Variants in AKAP19 observed in about 807,000 individuals in gnomAD.
AKAP19 encodes the protein A-kinase anchoring protein 19, also known as small A-kinase anchoring protein.
At chr2:190,046,048 C>T in the AKAP19 span, among the ~76,000 whole-genome samples, 1 of 152,210 alleles carries the variant, frequency 6.6e-6, no homozygotes, top group Non-Finnish European at 1.5e-5. Flanking sequence ...GGGAAGTTCC[C>T]TGGCTCTGTG....
the AKAP19 span, chr2:190,201,068 A>AAGAT: frequency 1.8e-5 from 3 of 167,062 alleles, no homozygotes; most frequent in Admixed American, 1.3e-4. Context: ...ATAATGCATG[A>AAGAT]AGATTTACAG....
chr2:189,976,681 C>A, the AKAP19 span, among the ~76,000 whole-genome samples: 1 of 152,154 alleles, frequency 6.6e-6, no homozygotes, highest in African/African-American at 2.4e-5. Flanking sequence ...CAATGGCGGG[C>A]GCCCCTCCCC....
the AKAP19 span, among the ~76,000 whole-genome samples, chr2:190,170,732 A>G: frequency 7.2e-5 from 11 of 152,172 alleles, no homozygotes; most frequent in Non-Finnish European, 1.2e-4. Context: ...GTTCACATGT[A>G]ATCTCAAATT....
the AKAP19 span, among the ~76,000 whole-genome samples, chr2:189,950,792 A>C: frequency 6.6e-6 from 1 of 152,152 alleles, no homozygotes; most frequent in Non-Finnish European, 1.5e-5. Flanking sequence ...AAGACTTTAC[A>C]TCTTGTCCTG....
chr2:190,199,570 A>AAAAAAGTTTTCCTATTTT, the AKAP19 span: 3 of 382,660 alleles, frequency 7.8e-6, no homozygotes, highest in South Asian at 1.5e-4. Context: ...GATAAGATAA[A>AAAAAAGTTTTCCTATTTT]GCTGTTTGTT....
chr2:190,106,172 C>G, the AKAP19 span, among the ~76,000 whole-genome samples: 1 of 152,174 alleles, frequency 6.6e-6, no homozygotes, highest in Non-Finnish European at 1.5e-5. Flanking sequence ...ATAGATACAT[C>G]AACATAGGAT....
chr2:190,200,477 C>T, the AKAP19 span: 1 of 214,644 alleles, frequency 4.7e-6, no homozygotes. Context: ...CCCCAAATTC[C>T]AATGGTTGAA....
At chr2:190,061,922 C>T in the AKAP19 span, among the ~76,000 whole-genome samples, 1 of 151,788 alleles carries the variant, frequency 6.6e-6, no homozygotes, top group Non-Finnish European at 1.5e-5. Context: ...ATCTCCCAGT[C>T]CTTGCCTTGG....
chr2:190,077,479 T>G, the AKAP19 span, among the ~76,000 whole-genome samples: 1 of 150,978 alleles, frequency 6.6e-6, no homozygotes, highest in South Asian at 2.1e-4. Context: ...ATGTTAAAAA[T>G]TTTTTAAAAA....
At chr2:190,038,256 C>T in the AKAP19 span, among the ~76,000 whole-genome samples, 2 of 152,170 alleles carry the variant, frequency 1.3e-5, no homozygotes, top group Non-Finnish European at 2.9e-5. Context: ...TATGAGATCC[C>T]TGTACCTTGT....
At chr2:190,120,297 C>G in the AKAP19 span, among the ~76,000 whole-genome samples, 1 of 152,186 alleles carries the variant, frequency 6.6e-6, no homozygotes, top group Non-Finnish European at 1.5e-5. Context: ...ACTAACCACC[C>G]CACTGCCCTA....
At chr2:190,185,572 G>A in the AKAP19 span, among the ~76,000 whole-genome samples, 2 of 152,174 alleles carry the variant, frequency 1.3e-5, no homozygotes, top group Admixed American at 6.5e-5. Context: ...GCCATAAATA[G>A]GAGTGGCCAG....
At chr2:190,141,481 T>A in the AKAP19 span, among the ~76,000 whole-genome samples, 1 of 152,152 alleles carries the variant, frequency 6.6e-6, no homozygotes, top group African/African-American at 2.4e-5. Flanking sequence ...CTTACAGTCA[T>A]GGTGGAAGGA....
chr2:190,132,613 A>G, the AKAP19 span, among the ~76,000 whole-genome samples: 2 of 152,174 alleles, frequency 1.3e-5, no homozygotes, highest in Non-Finnish European at 2.9e-5. Context: ...CTTATATCAC[A>G]CCATATAAAA....
chr2:190,014,446 G>A, the AKAP19 span, among the ~76,000 whole-genome samples: 1 of 152,058 alleles, frequency 6.6e-6, no homozygotes, highest in African/African-American at 2.4e-5. Context: ...ATAGCATGGG[G>A]GACATTGCCA....
At chr2:189,977,847 CA>C in the AKAP19 span, among the ~76,000 whole-genome samples, 1 of 152,220 alleles carries the variant, frequency 6.6e-6, no homozygotes, top group African/African-American at 2.4e-5. Flanking sequence ...ATTTGAATTA[CA>C]AATTTTCAAC....
At chr2:190,128,954 T>C in the AKAP19 span, among the ~76,000 whole-genome samples, 2 of 152,264 alleles carry the variant, frequency 1.3e-5, no homozygotes, top group East Asian at 3.8e-4. Context: ...ATGGTAGCTC[T>C]GTTTATGAAC....
At chr2:190,086,602 A>C in the AKAP19 span, among the ~76,000 whole-genome samples, 1 of 152,114 alleles carries the variant, frequency 6.6e-6, no homozygotes, top group Admixed American at 6.5e-5. Context: ...CTCAGTTATC[A>C]TTTTAGCTAG....
the AKAP19 span, among the ~76,000 whole-genome samples, chr2:189,981,243 C>A: frequency 1.3e-5 from 2 of 149,390 alleles, no homozygotes; most frequent in Non-Finnish European, 3.0e-5. Flanking sequence ...TCAATTGAAC[C>A]CTTTAATGTT....
Sources: gnomAD v4.1 joint callset for allele counts (sites outside exome capture counted in the v4.1 genomes callset) on GRCh38, gnomAD v4.1.1 for gene constraint, MANE v1.5 for transcripts, NCBI Gene and HGNC (gene_info 2026-07-23, HGNC 2026-07-21) for gene names.